Variants in ANXA8 observed in about 807,000 individuals in gnomAD.
The protein encoded by ANXA8 is annexin A8.
A neutral mutation model predicts 26.8 loss-of-function variants in ANXA8; 9 were observed. The observed-to-expected ratio is 0.34, with a 90% CI of 0.20 to 0.59. ANXA8 has a LOEUF of 0.59. Ranked by LOEUF, ANXA8 falls within the 20% of genes least tolerant of loss-of-function variation. The pLI, the probability that ANXA8 is intolerant of heterozygous loss-of-function variation, is 0.84. For synonymous variants in ANXA8, 39 were observed against 94.8 expected (o/e 0.41, Z 3.42); for missense variants, 83 against 238.5 (o/e 0.35, Z 4.29).
chr10:47,689,221 C>T, the ANXA8 span, among the ~76,000 whole-genome samples: 1 of 151,340 alleles, frequency 6.6e-6, no homozygotes, highest in Non-Finnish European at 1.5e-5. Flanking sequence ...ACTCTGTTGC[C>T]CAGGCTAGAG....
the ANXA8 span, among the ~76,000 whole-genome samples, chr10:47,738,872 G>GT: frequency 0.11 from 15,602 of 146,382 alleles, 5 homozygotes; most frequent in African/African-American, 0.16. Flanking sequence ...CCATCAGCCA[G>GT]TTTTTTTGTT....
the ANXA8 span, among the ~76,000 whole-genome samples, chr10:47,490,077 T>TG: frequency 6.7e-6 from 1 of 150,266 alleles, no homozygotes; most frequent in Admixed American, 6.6e-5. Flanking sequence ...GCTGGGCCTG[T>TG]GTGCCAGGTC....
At chr10:47,491,605 C>T in the ANXA8 span, 3 of 1,523,626 alleles carry the variant, frequency 2.0e-6, no homozygotes, top group Admixed American at 4.0e-5. Flanking sequence ...TCCTCACTGG[C>T]TCCCTCGGTG....
chr10:47,563,969 A>G, the ANXA8 span, among the ~76,000 whole-genome samples: 1 of 147,892 alleles, frequency 6.8e-6, no homozygotes, highest in Non-Finnish European at 1.5e-5. Flanking sequence ...TAGTAGAAGG[A>G]GAGTAAATAA....
chr10:47,701,203 A>G, the ANXA8 span, among the ~76,000 whole-genome samples: 3 of 151,358 alleles, frequency 2.0e-5, 1 homozygote, highest in African/African-American at 7.3e-5. Context: ...GCAAAATTAA[A>G]AAAAAAAAAA....
the ANXA8 span, among the ~76,000 whole-genome samples, chr10:47,559,142 C>CTTTTTTTGTTTTTTTTTTT: frequency 1.4e-5 from 1 of 73,312 alleles, no homozygotes; most frequent in East Asian, 7.1e-4. Flanking sequence ...TGGAGTCTTA[C>CTTTTTTTGTTTTTTTTTTT]TTTTTTTTTT....
At chr10:47,572,659 G>A in the ANXA8 span, among the ~76,000 whole-genome samples, 1 of 144,406 alleles carries the variant, frequency 6.9e-6, no homozygotes, top group South Asian at 2.3e-4. Context: ...AGAGGTTGCA[G>A]TGAGCTGACG....
At chr10:47,523,870 G>T in the ANXA8 span, among the ~76,000 whole-genome samples, 1 of 150,474 alleles carries the variant, frequency 6.6e-6, no homozygotes, top group African/African-American at 2.4e-5. Context: ...TCCTCCTTCT[G>T]TAGTCACCTA....
the ANXA8 span, among the ~76,000 whole-genome samples, chr10:47,759,333 A>C: frequency 6.8e-6 from 1 of 146,914 alleles, no homozygotes; most frequent in South Asian, 2.2e-4. Flanking sequence ...CCCATAGGCC[A>C]GGGCCTGGCA....
chr10:47,945,576 A>G, the ANXA8 span, among the ~76,000 whole-genome samples: 2 of 146,198 alleles, frequency 1.4e-5, no homozygotes, highest in Admixed American at 1.4e-4. Flanking sequence ...CTCTGGTCCC[A>G]TTTCCTTGGG....
At chr10:47,603,604 C>T in the ANXA8 span, among the ~76,000 whole-genome samples, 10 of 147,446 alleles carry the variant, frequency 6.8e-5, no homozygotes, top group Admixed American at 1.3e-4. Flanking sequence ...CTCCACTTCC[C>T]GGGTTCAAGT....
At chr10:47,939,533 G>GC in the ANXA8 span, among the ~76,000 whole-genome samples, 4 of 144,002 alleles carry the variant, frequency 2.8e-5, 1 homozygote, top group African/African-American at 1.1e-4. Flanking sequence ...ATAAGCAATT[G>GC]CAACTGTGCC....
chr10:47,664,172 T>C, the ANXA8 span, among the ~76,000 whole-genome samples: 1 of 151,640 alleles, frequency 6.6e-6, no homozygotes, highest in Non-Finnish European at 1.5e-5. Context: ...GGTCAGGAGT[T>C]GGAGACCAGC....
the ANXA8 span, among the ~76,000 whole-genome samples, chr10:47,575,300 T>C: frequency 1.3e-3 from 127 of 100,210 alleles, no homozygotes; most frequent in African/African-American, 4.5e-3. Context: ...GTGGATATTG[T>C]ACAAAAGATT....
the ANXA8 span, among the ~76,000 whole-genome samples, chr10:47,546,391 G>A: frequency 1.8e-3 from 190 of 104,642 alleles, no homozygotes; most frequent in African/African-American, 7.0e-3. Context: ...AAGCAGATAA[G>A]ACCAATTTTT....
At chr10:47,633,919 C>A in the ANXA8 span, among the ~76,000 whole-genome samples, 1 of 138,300 alleles carries the variant, frequency 7.2e-6, no homozygotes, top group Admixed American at 7.1e-5. Context: ...CCGCACAACC[C>A]GGTAAACATA....
chr10:47,707,228 T>C, the ANXA8 span, among the ~76,000 whole-genome samples: 3 of 143,498 alleles, frequency 2.1e-5, 1 homozygote, highest in African/African-American at 4.9e-5. Flanking sequence ...TTTACCAATT[T>C]GGTTTTGATT....
At chr10:47,968,463 T>C in the ANXA8 span, among the ~76,000 whole-genome samples, 1 of 140,568 alleles carries the variant, frequency 7.1e-6, no homozygotes, top group Admixed American at 7.3e-5. Context: ...CATTACCAAA[T>C]CCATTACAGC....
chr10:47,736,818 C>T, the ANXA8 span, among the ~76,000 whole-genome samples: 1 of 144,668 alleles, frequency 6.9e-6, no homozygotes, highest in Non-Finnish European at 1.5e-5. Flanking sequence ...CCATGCCCAG[C>T]TAGTTTTTGT....
Sources: allele counts gnomAD v4.1 joint callset (sites outside exome capture counted in the v4.1 genomes callset), GRCh38; gene constraint gnomAD v4.1.1; transcripts MANE v1.5; gene names NCBI Gene and HGNC (gene_info 2026-07-23, HGNC 2026-07-21).